Variants in SFMBT2 observed in about 807,000 individuals in gnomAD.
SFMBT2 encodes scm-like with four MBT domains protein 2.
Under a neutral mutation model 110.1 loss-of-function variants are expected in SFMBT2, and 38 were observed. The observed-to-expected ratio is 0.35, with a 90% confidence interval of 0.27 to 0.45. The LOEUF (loss-of-function observed/expected upper bound fraction) is 0.45, where lower values mean the gene tolerates loss of function less well. Ranked by LOEUF, SFMBT2 falls within the 20% of genes least tolerant of loss-of-function variation. The probability of loss-of-function intolerance (pLI) is 1.00; values close to 1 mark genes in which losing one functional copy is unlikely to be tolerated. For synonymous variants in SFMBT2, 425 were observed against 425.4 expected (o/e 1.00, Z 0.01); for missense variants, 1,011 against 1,094.9 (o/e 0.92, Z 1.08).
At chr10:7,384,211 CAAAAA>C (rs59239303) in intron 1 of SFMBT2, among the ~76,000 whole-genome samples, 2 of 27,976 alleles carry the variant, frequency 7.1e-5, no homozygotes, top group Non-Finnish European at 1.1e-4. Context: ...AACTCCATCT[CAAAAA>C]AAAAAAAAAA....
chr10:7,296,242 A>G (rs974880580), intron 4 of SFMBT2, among the ~76,000 whole-genome samples: 1 of 152,102 alleles, frequency 6.6e-6, no homozygotes, highest in Admixed American at 6.5e-5. Context: ...TGCTTTAAAC[A>G]TTTTCCTGCT....
chr10:7,263,995 T>C (rs1259494560), intron 7 of SFMBT2: 1 of 232,310 alleles, frequency 4.3e-6, no homozygotes, highest in African/African-American at 2.3e-5. Context: ...GGTACATCAT[T>C]GAAAGCTAAG....
intron 20 of SFMBT2, among the ~76,000 whole-genome samples, chr10:7,168,518 T>G (rs1184504145): frequency 6.6e-6 from 1 of 152,224 alleles, no homozygotes; most frequent in African/African-American, 2.4e-5. Flanking sequence ...GTATGTTGAA[T>G]GCACACAGGG....
At chr10:7,187,053 T>C (rs996406591) in intron 16 of SFMBT2, among the ~76,000 whole-genome samples, 2 of 152,242 alleles carry the variant, frequency 1.3e-5, no homozygotes, top group African/African-American at 4.8e-5. Flanking sequence ...CTGGATTTAA[T>C]AAAAAGCTCT....
At chr10:7,256,279 A>T (rs1841004758) in intron 7 of SFMBT2, among the ~76,000 whole-genome samples, 1 of 152,230 alleles carries the variant, frequency 6.6e-6, no homozygotes, top group African/African-American at 2.4e-5. Context: ...AAGGATTTTT[A>T]AAAAATCAAT....
At position 7,172,161 on chromosome 10, in the gene SFMBT2, G is replaced by T; in HGVS notation, c.2152-3C>A. On this transcript the variant is annotated splice_region_variant and splice_polypyrimidine_tract_variant and intron_variant, in intron 18 of 20. Coordinates refer to ENST00000397167, the MANE Select transcript of SFMBT2 (RefSeq NM_001387889.1). The surrounding 1 kb of genome is among the most constrained non-coding windows in gnomAD (Gnocchi z 4.6). ...TCAGCGTCCTCCTCTTCACTTTCCT[G>T]GGAAGGAGGAAAAGGCATTTAAGGG... is the stretch of plus-strand genomic sequence containing the variant. The T allele has an allele frequency of 6.5e-7, 1 of 1,541,138 alleles. No homozygotes were observed.
At chr10:7,256,331 C>T (rs896595377) in intron 7 of SFMBT2, among the ~76,000 whole-genome samples, 1 of 152,206 alleles carries the variant, frequency 6.6e-6, no homozygotes, top group African/African-American at 2.4e-5. Flanking sequence ...CTACAACCTA[C>T]TTAAAGCCCC....
chr10:7,380,873 G>A (rs1304057677), intron 2 of SFMBT2, among the ~76,000 whole-genome samples: 1 of 152,002 alleles, frequency 6.6e-6, no homozygotes, highest in Non-Finnish European at 1.5e-5. Context: ...AACACAGTGA[G>A]ACCCCATCTC....
chr10:7,372,102 G>C (rs1408615396), intron 2 of SFMBT2, among the ~76,000 whole-genome samples: 1 of 151,806 alleles, frequency 6.6e-6, no homozygotes, highest in Non-Finnish European at 1.5e-5. Flanking sequence ...AATTTTAGTA[G>C]AGATGGGGTT....
chr10:7,211,573 G>C (rs570904945), intron 11 of SFMBT2, among the ~76,000 whole-genome samples: 1 of 152,176 alleles, frequency 6.6e-6, no homozygotes, highest in Admixed American at 6.5e-5. Context: ...AACACCTGTG[G>C]CGGGATTAAA....
intron 4 of SFMBT2, among the ~76,000 whole-genome samples, chr10:7,339,882 C>T (rs1843835502): frequency 6.6e-6 from 1 of 152,166 alleles, no homozygotes; most frequent in Non-Finnish European, 1.5e-5. Context: ...CCAGAGTTCC[C>T]ACAGCCGAGG....
intron 4 of SFMBT2, among the ~76,000 whole-genome samples, chr10:7,360,391 C>G (rs1588479487): frequency 6.6e-6 from 1 of 152,020 alleles, no homozygotes; most frequent in Non-Finnish European, 1.5e-5. Flanking sequence ...AGCTTGACCC[C>G]GGGAGGCAGA....
At chr10:7,269,240 T>C (rs1427060058) in intron 7 of SFMBT2, among the ~76,000 whole-genome samples, 1 of 152,212 alleles carries the variant, frequency 6.6e-6, no homozygotes, top group Non-Finnish European at 1.5e-5. Context: ...CAGTGATCTC[T>C]TAAATCAAAG....
At chr10:7,269,324 A>T (rs1009774798) in intron 7 of SFMBT2, among the ~76,000 whole-genome samples, 2 of 152,188 alleles carry the variant, frequency 1.3e-5, no homozygotes, top group South Asian at 2.1e-4. Context: ...ACAGAAAGGA[A>T]CACCTACCCA....
rs1846314589 is a variant in SFMBT2 at position 7,409,546 on chromosome 10, CA to C, written c.-52+1314del. On this transcript the variant is annotated intron_variant, in intron 1 of 20. Coordinates refer to ENST00000397167, the MANE Select transcript of SFMBT2 (RefSeq NM_001387889.1). Reference sequence around the variant, plus strand: ...GCCTGCACACTAATCCACAGGCACACACGACAGTTGCGTTTCGGTGCCCTGG... The same window carrying C: ...GCCTGCACACTAATCCACAGGCACACCGACAGTTGCGTTTCGGTGCCCTGG... Among the ~76,000 whole-genome samples, 2 of 152,084 alleles carry C rather than the reference CA, an allele frequency of 1.3e-5. 1 individual carries two copies. The highest frequency in any genetic ancestry group is 1.3e-4 in the Admixed American group (2 of 15,280).
chr10:7,409,875 A>T (rs1163089798), intron 1 of SFMBT2, among the ~76,000 whole-genome samples: 1 of 152,018 alleles, frequency 6.6e-6, no homozygotes, highest in Non-Finnish European at 1.5e-5. Flanking sequence ...CCAAGAAAAC[A>T]CGAGTACGGA....
chr10:7,343,606 G>A (rs760973976), intron 4 of SFMBT2, among the ~76,000 whole-genome samples: 9 of 152,118 alleles, frequency 5.9e-5, no homozygotes, highest in East Asian at 1.9e-4. Flanking sequence ...ATGGTGTCTC[G>A]TTGTGGTTTT....
chr10:7,290,674 A>AT lies in SFMBT2; in HGVS notation c.437-4721dup, dbSNP rs779300826. 4.9e-3 allele frequency among the ~76,000 whole-genome samples: 731 copies of AT among 149,168 alleles called. 4 individuals are homozygous for AT. Among genetic ancestry groups the AT allele is most frequent in the Middle Eastern group, 0.01 (3 of 288 alleles). ...AACACAGCAAGACCCCATCTCTACA[A>AT]TTTTTTTTTTAACTTAGCTGGGCAT... On this transcript the variant is annotated intron_variant, in intron 4 of 20. Transcript: ENST00000397167.
rs117267144 is a variant in SFMBT2 at position 7,397,314 on chromosome 10, A to G, written c.-52+13547T>C. ...ATTTGTGCTAAGTAATAACATACTC[A>G]ATTTCAGGCTTGCCACTCTGCAAAG... On this transcript the variant is annotated intron_variant, in intron 1 of 20. Coordinates refer to ENST00000397167, the MANE Select transcript of SFMBT2 (RefSeq NM_001387889.1). Among the ~76,000 whole-genome samples, 3 of 151,884 alleles carry G rather than the reference A, an allele frequency of 2.0e-5. No homozygotes were observed. In the East Asian group the frequency reaches 5.8e-4, roughly 29 times the overall value.
Sources: gnomAD v4.1 joint callset for allele counts (sites outside exome capture counted in the v4.1 genomes callset) on GRCh38, gnomAD v4.1.1 for gene constraint, Gnocchi (gnomAD v3.1) non-coding constraint, MANE v1.5 for transcripts, NCBI Gene and HGNC (gene_info 2026-07-23, HGNC 2026-07-21) for gene names.